AKAP13: variants seen among roughly 807,000 people sequenced by gnomAD.
AKAP13 encodes A-kinase anchor protein 13.
AKAP13 carries 80 observed loss-of-function variants against 264.5 expected under a neutral mutation model. The observed-to-expected ratio is 0.30, with a 90% CI of 0.25 to 0.36. The LOEUF (loss-of-function observed/expected upper bound fraction) is 0.36. Among genes scored for constraint, AKAP13 ranks in the 10% least tolerant of loss-of-function variants. The pLI, the probability that AKAP13 is intolerant of heterozygous loss-of-function variation, is 1.00. For synonymous variants in AKAP13, 1,380 were observed against 1,250.2 expected (o/e 1.10, Z -2.19); for missense variants, 3,712 against 3,435.2 (o/e 1.08, Z -2.01).
chr15:85,557,151 C>G lies in AKAP13; in HGVS notation c.662+13196C>G, dbSNP rs184142467. Among the ~76,000 whole-genome samples the G allele has an allele frequency of 2.2e-4, 33 of 152,294 alleles. No individual in the cohort carries two copies. In the East Asian group the frequency reaches 6.0e-3, roughly 28 times the overall value. On this transcript the variant is annotated intron_variant, in intron 5 of 36. Transcript: ENST00000394518. ...TCTGCTCATTAATCCACATAAATTA[C>G]TACACTAAATTGATTTAGAATAAAC...
At chr15:85,510,648 T>A (rs911485080) in intron 2 of AKAP13, among the ~76,000 whole-genome samples, 1 of 152,228 alleles carries the variant, frequency 6.6e-6, no homozygotes, top group Non-Finnish European at 1.5e-5. Flanking sequence ...TTCCACCTGA[T>A]TATCACAGAT....
rs1374085613 is a variant in AKAP13, at chr15:85,438,642, A to G, written c.-11-47068A>G. On this transcript the variant is annotated intron_variant, in intron 1 of 36. Transcript: ENST00000394518. ...GAGATATAGATCAATGGAACAGAACAGAGCCCTCAGAAATAACGCCGCATA... is the reference window on the plus strand; with the variant it reads ...GAGATATAGATCAATGGAACAGAACGGAGCCCTCAGAAATAACGCCGCATA... Among the ~76,000 whole-genome samples the G allele has an allele frequency of 1.8e-4, 27 of 149,310 alleles. No individual in the cohort carries two copies. In the East Asian group the frequency reaches 4.8e-3, roughly 26 times the overall value.
At chr15:85,603,988 A>G (rs985786997) in intron 8 of AKAP13, among the ~76,000 whole-genome samples, 2 of 152,062 alleles carry the variant, frequency 1.3e-5, no homozygotes, top group African/African-American at 4.8e-5. Flanking sequence ...CACATTTCTC[A>G]CACATGGCAG....
At chr15:85,399,502 CAAAAAAAAAAA>C (rs71138392) in intron 1 of AKAP13, among the ~76,000 whole-genome samples, 4 of 77,080 alleles carry the variant, frequency 5.2e-5, no homozygotes, top group African/African-American at 2.4e-4. Context: ...GACTCCGTCT[CAAAAAAAAAAA>C]AAAAAAAAAT....
At chr15:85,533,922 A>G in intron 4 of AKAP13, 42 bp downstream of exon 4, 2 of 1,508,318 alleles carry the variant, frequency 1.3e-6, no homozygotes, top group Admixed American at 2.3e-5. Context: ...TAAGTTTGTG[A>G]TATTTCTACT....
At chr15:85,407,170 G>A (rs2071707428) in intron 1 of AKAP13, among the ~76,000 whole-genome samples, 1 of 151,368 alleles carries the variant, frequency 6.6e-6, no homozygotes, top group Admixed American at 6.6e-5. Context: ...CCAACTTTGT[G>A]GTATACAGGC....
At chr15:85,743,433 G>T in intron 35 of AKAP13, 59 bp from the exon 36 acceptor site, 1 of 1,548,758 alleles carries the variant, frequency 6.5e-7, no homozygotes, top group South Asian at 1.2e-5. Context: ...GATTTATTGA[G>T]TTGGCATCAC....
chr15:85,493,297 A>C (rs964993022), intron 2 of AKAP13, among the ~76,000 whole-genome samples: 1 of 152,268 alleles, frequency 6.6e-6, no homozygotes, highest in Non-Finnish European at 1.5e-5. Flanking sequence ...TAAGACTACT[A>C]AAATTTTAAT....
chr15:85,691,949 A>T, intron 16 of AKAP13: 1 of 457,084 alleles, frequency 2.2e-6, no homozygotes, highest in Non-Finnish European at 4.4e-6. Context: ...CTAGGTACTC[A>T]GGGTAGAGGA....
intron 2 of AKAP13, among the ~76,000 whole-genome samples, chr15:85,520,498 CAAAAAAAAAAA>C (rs71468111): frequency 2.7e-4 from 19 of 71,294 alleles, no homozygotes; most frequent in Middle Eastern, 7.7e-3. Flanking sequence ...AACTCCGTCT[CAAAAAAAAAAA>C]AAAAAAAAAA....
intron 8 of AKAP13, among the ~76,000 whole-genome samples, chr15:85,616,550 T>G (rs2080944188): frequency 6.6e-6 from 1 of 152,122 alleles, no homozygotes; most frequent in Non-Finnish European, 1.5e-5. Flanking sequence ...GGAAAGACAA[T>G]TAATACTGTA....
intron 12 of AKAP13, among the ~76,000 whole-genome samples, chr15:85,660,080 C>T (rs527491583): frequency 2.2e-4 from 33 of 152,260 alleles, no homozygotes; most frequent in East Asian, 5.8e-4. Flanking sequence ...TGGCCGAGCA[C>T]GGTGGCTCAC....
chr15:85,406,642 C>T (rs2071681989), intron 1 of AKAP13, among the ~76,000 whole-genome samples: 2 of 151,374 alleles, frequency 1.3e-5, no homozygotes, highest in Admixed American at 1.3e-4. Flanking sequence ...CTGACCTTTC[C>T]AGTCTGAATT....
intron 11 of AKAP13, 31 bp downstream of exon 11, chr15:85,655,818 C>G (rs17635450): frequency 0.25 from 399,239 of 1,577,172 alleles, 55,060 homozygotes; most frequent in Middle Eastern, 0.38. Context: ...TTTAGTGTCT[C>G]AGTGTCTGCT....
At chr15:85,489,696 C>T (rs1196256875) in intron 2 of AKAP13, among the ~76,000 whole-genome samples, 1 of 152,204 alleles carries the variant, frequency 6.6e-6, no homozygotes, top group African/African-American at 2.4e-5. Context: ...GAACTTTTAT[C>T]TGTCAGTTAA....
intron 2 of AKAP13, among the ~76,000 whole-genome samples, chr15:85,493,102 C>T (rs1050773744): frequency 2.0e-5 from 3 of 152,186 alleles, no homozygotes; most frequent in Non-Finnish European, 4.4e-5. Context: ...CTAATGTCAA[C>T]AGAGAGCTCA....
intron 8 of AKAP13, among the ~76,000 whole-genome samples, chr15:85,608,095 C>A (rs1380718255): frequency 6.6e-6 from 1 of 152,116 alleles, no homozygotes; most frequent in African/African-American, 2.4e-5. Context: ...GAAGCTGAGT[C>A]ATTTTTTGGC....
intron 17 of AKAP13, among the ~76,000 whole-genome samples, chr15:85,696,965 G>A (rs578058972): frequency 6.6e-6 from 1 of 152,210 alleles, no homozygotes; most frequent in East Asian, 1.9e-4. Context: ...CCAGGTCCCT[G>A]AGTGAGAATT....
chr15:85,707,767 TGTCTCCTG>T (rs2086386016), intron 17 of AKAP13, among the ~76,000 whole-genome samples: 2 of 151,932 alleles, frequency 1.3e-5, no homozygotes, highest in South Asian at 4.2e-4. Flanking sequence ...AGCTGTAATC[TGTCTCCTG>T]GTCTCCAAAT....
Sources: gnomAD v4.1 joint callset for allele counts (sites outside exome capture counted in the v4.1 genomes callset) on GRCh38, gnomAD v4.1.1 for gene constraint, MANE v1.5 for transcripts, NCBI Gene and HGNC (gene_info 2026-07-23, HGNC 2026-07-21) for gene names.